Variants in PPARA observed in about 807,000 individuals in gnomAD.
The protein encoded by PPARA is peroxisome proliferator activated receptor alpha.
A neutral mutation model predicts 42.2 loss-of-function variants in PPARA; 22 were observed. That is an observed-to-expected ratio of 0.52 (90% confidence interval 0.37 to 0.74). The LOEUF is 0.74. Ranked by LOEUF, PPARA falls within the 30% of genes least tolerant of loss-of-function variation. PPARA has a pLI of 0.00. For missense variants in PPARA, 465 were observed against 608.2 expected, an observed-to-expected ratio of 0.76 and a Z score of 2.48; for synonymous variants, 242 against 239.3, an observed-to-expected ratio of 1.01 and a Z score of -0.10.
chr22:46,174,022 C>G (rs1209839916), intron 2 of PPARA, among the ~76,000 whole-genome samples: 1 of 49,882 alleles, frequency 2.0e-5, no homozygotes, highest in Non-Finnish European at 3.5e-5. Flanking sequence ...TACTAAAATA[C>G]AAAGAATTAG....
At position 46,190,864 on chromosome 22, in the gene PPARA, C is replaced by G. The variant is rs956761387; in HGVS notation, c.-42-7478C>G. 6.6e-6 allele frequency among the ~76,000 whole-genome samples: 1 copy of G among 152,170 alleles called. No individual in the cohort carries two copies. The highest frequency in any genetic ancestry group is 2.4e-5 in the African/African-American group (1 of 41,442). On this transcript the variant is annotated intron_variant, in intron 3 of 8. Transcript: ENST00000407236. The surrounding 1 kb of genome is among the most constrained non-coding windows in gnomAD (Gnocchi z 5.6). ...TTTTGATAGTTGGGACAGTATTCAG[C>G]TACCTGCTATTTAATACATTATTTC...
intron 4 of PPARA, among the ~76,000 whole-genome samples, chr22:46,202,675 TA>T (rs1190146507): frequency 1.2e-4 from 18 of 151,858 alleles, no homozygotes; most frequent in Admixed American, 5.9e-4. Flanking sequence ...ATTTTTTATT[TA>T]TTTTTTGAGA....
chr22:46,238,775 G>C lies in PPARA; in HGVS notation c.*3395G>C, dbSNP rs987900564. On this transcript the variant is annotated 3_prime_UTR_variant, in exon 9 of 9. Transcript: ENST00000407236. This position sits in a 1 kb window ranked among gnomAD's most constrained non-coding sequence, Gnocchi z 8.3. ...CTCCCACCTCCTGGCACTTCCAGCT[G>C]GGTGTCCCACATGTTGGATTCCGTC... 2.9e-4 allele frequency: 44 copies of C among 152,750 alleles called. No individual in the cohort carries two copies. The highest frequency in any genetic ancestry group is 1.0e-3 in the African/African-American group (42 of 41,590). The allele number at this position is 152,750 out of a possible 1,614,324, so 9.5% of individuals were successfully genotyped here.
rs34036883 is a variant in PPARA, at chr22:46,233,005, TACAC to T, written c.1159+784_1159+787del. On this transcript the variant is annotated intron_variant, in intron 8 of 8. Transcript: ENST00000407236. This position sits in a 1 kb window ranked among gnomAD's most constrained non-coding sequence, Gnocchi z 7.3. ...TCAAAAAAAAAAAAAAAAAAAATTA[TACAC>T]ACACACACACACACACATTTCGTTT... Among the ~76,000 whole-genome samples the T allele has an allele frequency of 0.036, 4,934 of 138,720 alleles. 259 individuals are homozygous for T. The highest frequency in any genetic ancestry group is 0.12 in the African/African-American group (4,391 of 37,238). 91.0% of individuals were successfully genotyped at this position (138,720 alleles called of 152,430 possible). A position where few individuals can be genotyped will look rare whatever the true frequency, so the allele number is the denominator to read the frequency against.
chr22:46,177,729 C>T (rs889574468), intron 3 of PPARA, among the ~76,000 whole-genome samples: 5 of 151,964 alleles, frequency 3.3e-5, no homozygotes, highest in East Asian at 1.9e-4. Context: ...GGCGTGTACC[C>T]GGTGAGACAG....
At chr22:46,176,629 A>T (rs1219358086) in intron 2 of PPARA, 124 bp from the exon 3 acceptor site, 1 of 152,178 alleles carries the variant, frequency 6.6e-6, no homozygotes, top group African/African-American at 2.4e-5. Flanking sequence ...TGAATGTTCC[A>T]TGGGCTTTTA....
rs139090922 is a variant in PPARA at position 46,198,445 on chromosome 22, G to C, written c.62G>C (p.Ser21Thr). Residue 21 changes from serine (S) to threonine (T), a missense_variant, in exon 4 of 9, where the codon AGC becomes ACC. Ser to Thr is a moderately conservative substitution (Grantham distance 58, BLOSUM62 1). Transcript: ENST00000407236. ...LSPLEAGDLE[S>T]PLSEEFLQEM... ...CCACTCGAGGCCGGCGATCTAGAGA[G>C]CCCGTTATCTGAAGAGTTCCTGCAA... The C allele has an allele frequency of 8.7e-6, 14 of 1,613,664 alleles. No homozygotes were observed. The highest frequency in any genetic ancestry group is 1.6e-4 in the Middle Eastern group (1 of 6,082).
intron 3 of PPARA, among the ~76,000 whole-genome samples, chr22:46,181,169 G>A (rs1929906358): frequency 6.6e-6 from 1 of 152,170 alleles, no homozygotes; most frequent in South Asian, 2.1e-4. Flanking sequence ...GGTCAGGAAA[G>A]AAACTGAAAA....
rs925802766 is a variant in PPARA at position 46,160,575 on chromosome 22, C to T, written c.-127+8605C>T. 6.6e-6 allele frequency among the ~76,000 whole-genome samples: 1 copy of T among 151,764 alleles called. No individual in the cohort carries two copies. The highest frequency in any genetic ancestry group is 2.4e-5 in the African/African-American group (1 of 41,274). ...CCTCCCAAAGTGCTGGGATTACAGG[C>T]GTGAGCCACCGCACCTGGCCCAATA... On this transcript the variant is annotated intron_variant, in intron 2 of 8. Transcript: ENST00000407236. This position sits in a 1 kb window ranked among gnomAD's most constrained non-coding sequence, Gnocchi z 4.5.
chr22:46,158,090 CTTTCATT>C (rs911701179), intron 2 of PPARA, among the ~76,000 whole-genome samples: 35 of 152,236 alleles, frequency 2.3e-4, no homozygotes, highest in Admixed American at 7.2e-4. Context: ...CCCCCACCCC[CTTTCATT>C]TTTCATTTTT....
rs985311116 is a variant in PPARA, at chr22:46,196,826, G to A, written c.-42-1516G>A. 3.9e-5 allele frequency among the ~76,000 whole-genome samples: 6 copies of A among 152,130 alleles called. No homozygotes were observed. The highest frequency in any genetic ancestry group is 1.2e-4 in the African/African-American group (5 of 41,428). ...CAACCTCCGCCTCCCATGTTCAAGC[G>A]GTTCTCCTGCCTCAACCTCCTGAGT... On this transcript the variant is annotated intron_variant, in intron 3 of 8. Coordinates refer to ENST00000407236, the MANE Select transcript of PPARA (RefSeq NM_005036.6). This position sits in a 1 kb window ranked among gnomAD's most constrained non-coding sequence, Gnocchi z 5.6.
At chr22:46,174,250 G>GAAGGAAGGAAGGAAGGAAGGAAGGAAGGA (rs1377920964) in intron 2 of PPARA, among the ~76,000 whole-genome samples, 4 of 116,354 alleles carry the variant, frequency 3.4e-5, no homozygotes, top group African/African-American at 1.6e-4. Context: ...AAGAAAGAAA[G>GAAGGAAGGAAGGAAGGAAGGAAGGAAGGA]AAGGAAGGAA....
intron 7 of PPARA, among the ~76,000 whole-genome samples, chr22:46,229,558 C>CAA (rs765912866): frequency 1.7e-4 from 21 of 123,652 alleles, no homozygotes; most frequent in African/African-American, 4.7e-4. Context: ...GACTCTGTCT[C>CAA]AAAAAAAAAA....
At chr22:46,153,451 G>A (rs4253621) in intron 2 of PPARA, among the ~76,000 whole-genome samples, 1,632 of 152,138 alleles carry the variant, frequency 0.011, 26 homozygotes, top group African/African-American at 0.036. Context: ...TTACAGGTGC[G>A]AGCCACCGCG....
rs1311680234 is a variant in PPARA at position 46,204,893 on chromosome 22, G to C, written c.208+6302G>C. Among the ~76,000 whole-genome samples the C allele has an allele frequency of 2.6e-5, 4 of 151,844 alleles. No individual in the cohort carries two copies. The highest frequency in any genetic ancestry group is 9.7e-5 in the African/African-American group (4 of 41,374). On this transcript the variant is annotated intron_variant, in intron 4 of 8. Transcript: ENST00000407236. The surrounding 1 kb of genome is among the most constrained non-coding windows in gnomAD (Gnocchi z 5.2). The stretch of plus-strand genomic sequence containing the variant: ...TTGTTTTGTTTTGTTTTTGAGATAG[G>C]GTCTCAATCTATTGCCCAGGCTAGA...
chr22:46,203,321 G>A lies in PPARA; in HGVS notation c.208+4730G>A, dbSNP rs988512086. Among the ~76,000 whole-genome samples, 2 of 150,546 alleles carry A rather than the reference G, an allele frequency of 1.3e-5. No homozygotes were observed. The highest frequency in any genetic ancestry group is 5.0e-5 in the African/African-American group (2 of 39,946). On this transcript the variant is annotated intron_variant, in intron 4 of 8. Transcript: ENST00000407236. This position sits in a 1 kb window ranked among gnomAD's most constrained non-coding sequence, Gnocchi z 5.8. ...TCAGAAGAGCCGGATATTAAATGCA[G>A]TACTTTAAACTTTACACCCAGGAGA...
chr22:46,168,113 G>A (rs931098517), intron 2 of PPARA, among the ~76,000 whole-genome samples: 4 of 151,752 alleles, frequency 2.6e-5, no homozygotes, highest in Non-Finnish European at 5.9e-5. Flanking sequence ...AGCACTTTGG[G>A]AGGCTGAAGC....
rs1443917677 is a variant in PPARA at position 46,212,108 on chromosome 22, A to G, written c.209-3065A>G. On this transcript the variant is annotated intron_variant, in intron 4 of 8. Transcript: ENST00000407236. This position sits in a 1 kb window ranked among gnomAD's most constrained non-coding sequence, Gnocchi z 4.2. ...CACTGTGACACCCAGGCTGGAGTAC[A>G]GTGGCAGCATAATCTCAGCTCACTG... 2.0e-5 allele frequency among the ~76,000 whole-genome samples: 3 copies of G among 151,934 alleles called. No individual in the cohort carries two copies. The East Asian group carries it at 5.8e-4, about 29-fold the overall frequency.
chr22:46,150,762 T>C lies in PPARA; in HGVS notation c.-210+110T>C, dbSNP rs1364751048. The C allele has an allele frequency of 3.1e-5, 4 of 127,312 alleles. No individual in the cohort carries two copies. Among genetic ancestry groups the C allele is most frequent in the Admixed American group, 3.0e-4 (4 of 13,118 alleles). The allele number at this position is 127,312 out of a possible 1,614,324, so 7.9% of individuals were successfully genotyped here. A position where few individuals can be genotyped will look rare whatever the true frequency, so the allele number is the denominator to read the frequency against. ...CGGCGGACGGGGGAGGGGCAGGGGC[T>C]GGGCGGCGCATGCGCGGGGCCCGGG... On this transcript the variant is annotated intron_variant, in intron 1 of 8. Transcript: ENST00000407236. This position sits in a 1 kb window ranked among gnomAD's most constrained non-coding sequence, Gnocchi z 7.5.
Sources: gnomAD v4.1 joint callset for allele counts (sites outside exome capture counted in the v4.1 genomes callset) on GRCh38, gnomAD v4.1.1 for gene constraint, Gnocchi (gnomAD v3.1) non-coding constraint, MANE v1.5 for transcripts, NCBI Gene and HGNC (gene_info 2026-07-23, HGNC 2026-07-21) for gene names.